The following WDR54 variants were observed in gnomAD, a reference collection of about 807,000 sequenced individuals.
WDR54 encodes the protein WD repeat domain 54.
A neutral mutation model predicts 44.1 loss-of-function variants in WDR54; 44 were observed. The ratio of observed to expected loss-of-function variants is 1.00; its 90% CI spans 0.78 to 1.28. The LOEUF (loss-of-function observed/expected upper bound fraction) is 1.28, where lower values mean the gene tolerates loss of function less well. Ranked by LOEUF, WDR54 falls within the 50% of genes most tolerant of loss-of-function variation. The pLI is 0.00. For synonymous variants in WDR54, 169 were observed against 169.8 expected, an observed-to-expected ratio of 1.00 and a Z score of 0.04; for missense variants, 409 against 429.7, an observed-to-expected ratio of 0.95 and a Z score of 0.43.
chr2:74,422,291 C>T lies in WDR54; in HGVS notation c.138C>T (p.Ser46=), dbSNP rs754462846. The T allele has an allele frequency of 1.2e-6, 2 of 1,614,218 alleles. No individual in the cohort carries two copies. Among genetic ancestry groups the T allele is most frequent in the South Asian group, 1.1e-5 (1 of 91,088 alleles). ...ATGGACCAAGCGCCCAGCTTCTCAG[C>T]GCTGCTCCTGAGGGTGTGCCCTTGG... The part of the protein sequence containing the change: ...VVHGPSAQLL[S]AAPEGVPLAQ... Residue 46 remains serine (S), a synonymous_variant, in exon 2 of 10, where the codon AGC becomes AGT. Coordinates refer to ENST00000348227, the MANE Select transcript of WDR54 (RefSeq NM_032118.4).
chr2:74,422,782 GA>G, intron 2 of WDR54, 87 bp from the exon 3 acceptor site: 1 of 1,249,456 alleles, frequency 8.0e-7, no homozygotes, highest in Non-Finnish European at 1.1e-6. Context: ...CACAGAGCAA[GA>G]CTCCGTCCCC....
chr2:74,422,933 G>T lies in WDR54; in HGVS notation c.285+1G>T, dbSNP rs544193647. On this transcript the variant is annotated splice_donor_variant, in intron 3 of 9. Coordinates refer to ENST00000348227, the MANE Select transcript of WDR54 (RefSeq NM_032118.4). LOFTEE classifies it high-confidence loss of function. Reference sequence around the variant, plus strand: ...ACTCACCTCACATCGAGGAATACAGGTAAGAAGAGGACTCTCCTGCTTGCC... The same window carrying T: ...ACTCACCTCACATCGAGGAATACAGTTAAGAAGAGGACTCTCCTGCTTGCC... 1 of 1,614,072 alleles carries T rather than the reference G, an allele frequency of 6.2e-7. No individual in the cohort carries two copies. The highest frequency in any genetic ancestry group is 1.1e-5 in the South Asian group (1 of 91,074).
intron 2 of WDR54, chr2:74,422,607 T>A: frequency 1.6e-6 from 1 of 613,932 alleles, no homozygotes; most frequent in Admixed American, 3.0e-5. Flanking sequence ...CTGGCCAACA[T>A]GGTGAAACCT....
intron 1 of WDR54, 23 bp downstream of exon 1, chr2:74,421,839 G>A: frequency 1.5e-6 from 1 of 650,206 alleles, no homozygotes; most frequent in Non-Finnish European, 2.8e-6. Context: ...ATCTAGGCCG[G>A]GGGCTTCAGG....
chr2:74,423,053 T>C (rs978409380), intron 3 of WDR54, 121 bp downstream of exon 3: 7 of 1,055,726 alleles, frequency 6.6e-6, no homozygotes, highest in Non-Finnish European at 7.2e-6. Flanking sequence ...GCCCACTCAC[T>C]CTTTTTCTAT....
Position 74,425,700 on chromosome 2 carries a change from G to A in WDR54, c.1004G>A (p.Ter335=). The A allele has an allele frequency of 6.2e-7, 1 of 1,614,146 alleles. No individual in the cohort carries two copies. The highest frequency in any genetic ancestry group is 8.5e-7 in the Non-Finnish European group (1 of 1,180,030). Residue 335 remains the stop codon, a stop_retained_variant, in exon 10 of 10, where the codon TGA becomes TAA. Transcript: ENST00000348227. ...LAEIRRFSSV[*] ...GAGATCCGGAGATTCAGCAGTGTGT[G>A]AGAAGAGCAGCCTTCCTTTGTCCCT...
At position 74,423,844 on chromosome 2, in the gene WDR54, T is replaced by G. The variant is rs1422662952; in HGVS notation, c.407-11T>G. 3 of 1,613,870 alleles carry G rather than the reference T, an allele frequency of 1.9e-6. No homozygotes were observed. Among genetic ancestry groups the G allele is most frequent in the Non-Finnish European group, 2.5e-6 (3 of 1,179,868 alleles). On this transcript the variant is annotated splice_polypyrimidine_tract_variant and intron_variant, in intron 5 of 9. Coordinates refer to ENST00000348227, the MANE Select transcript of WDR54 (RefSeq NM_032118.4). ...AGGAAGTCATCACTGGAGTACTGGT[T>G]CTGGATACAGGAACGTGGTCAGGCC...
At chr2:74,423,682 C>G in intron 5 of WDR54, 151 bp downstream of exon 5, 2 of 1,422,546 alleles carry the variant, frequency 1.4e-6, no homozygotes, top group Non-Finnish European at 1.9e-6. Context: ...TGGAAGGGTT[C>G]AGAGGGTCAG....
chr2:74,424,896 A>C lies in WDR54; in HGVS notation c.556A>C (p.Thr186Pro), dbSNP rs1277731877. 2 of 1,614,062 alleles carry C rather than the reference A, an allele frequency of 1.2e-6. No individual in the cohort carries two copies. Among genetic ancestry groups the C allele is most frequent in the Non-Finnish European group, 1.7e-6 (2 of 1,180,036 alleles). The change falls in exon 7 of 10, where the codon ACG becomes CCG. Residue 186 changes from threonine to proline, a missense_variant. Physicochemically the swap from Thr to Pro is conservative, Grantham distance 38. Coordinates refer to ENST00000348227, the MANE Select transcript of WDR54 (RefSeq NM_032118.4). ...QGQDCVADMV[T>P]ADDSGLLCVW... ...TCAGGATTGTGTGGCTGACATGGTG[A>C]CGGCAGATGACTCAGGCTTGCTGTG...
chr2:74,425,323 G>C (rs1670326491), intron 8 of WDR54, 86 bp downstream of exon 8: 10 of 1,579,940 alleles, frequency 6.3e-6, no homozygotes, highest in Non-Finnish European at 8.6e-6. Context: ...TTGCAACTCA[G>C]TGTAGCCCCC....
In WDR54 at chr2:74,422,450, GCAGGCATGTCCTAACCTCAGAATCTCCC is replaced by G. The variant is rs368692433; in HGVS notation, c.222+105_222+132del. On this transcript the variant is annotated intron_variant, in intron 2 of 9. Coordinates refer to ENST00000348227, the MANE Select transcript of WDR54 (RefSeq NM_032118.4). Reference sequence around the variant, plus strand: ...GCCTTTTCTCTCCAAACCTTCAGGAGCAGGCATGTCCTAACCTCAGAATCTCCCCAGGCATGTCCTAACCTCAGAATCT... The same window carrying G: ...GCCTTTTCTCTCCAAACCTTCAGGAGCAGGCATGTCCTAACCTCAGAATCT... 260 of 1,469,674 alleles carry G rather than the reference GCAGGCATGTCCTAACCTCAGAATCTCCC, an allele frequency of 1.8e-4. 2 individuals carry two copies. In the African/African-American group the frequency reaches 2.3e-3, roughly 13 times the overall value. 91.0% of individuals were successfully genotyped at this position (1,469,674 alleles called of 1,614,324 possible).
intron 8 of WDR54, 76 bp from the exon 9 acceptor site, chr2:74,425,341 G>C: frequency 1.3e-6 from 2 of 1,593,456 alleles, no homozygotes; most frequent in Non-Finnish European, 1.7e-6. Flanking sequence ...CCCTCCCCTG[G>C]GGCACCTGGA....
At chr2:74,424,399 T>C (rs935440869) in intron 6 of WDR54, among the ~76,000 whole-genome samples, 1 of 152,120 alleles carries the variant, frequency 6.6e-6, no homozygotes, top group Non-Finnish European at 1.5e-5. Flanking sequence ...AGACAACTCT[T>C]GTCTCCCCAA....
intron 2 of WDR54, 38 bp from the exon 3 acceptor site, chr2:74,422,832 C>A: frequency 1.3e-6 from 2 of 1,490,218 alleles, no homozygotes; most frequent in Non-Finnish European, 1.9e-6. Context: ...ATCTTCCCTG[C>A]TTTGATTTTC....
intron 1 of WDR54, 44 bp from the exon 2 acceptor site, chr2:74,422,109 T>C (rs1394951800): frequency 6.3e-7 from 1 of 1,589,946 alleles, no homozygotes; most frequent in Admixed American, 1.7e-5. Context: ...CTCCGCTGCG[T>C]CTGTTTGTAG....
In WDR54 at chr2:74,425,422, C is replaced by T; in HGVS notation, c.804C>T (p.Leu268=). 1 of 1,614,202 alleles carries T rather than the reference C, an allele frequency of 6.2e-7. No homozygotes were observed. Residue 268 remains leucine (L), a synonymous_variant, in exon 9 of 10, where the codon CTC becomes CTT. Transcript: ENST00000348227. ...CCCCTCTTCCTCCTCCACAGCTACT[C>T]TCTGCAGGTGAGGACACCTTTGTGC... ...LDLASEVGKL[L]SAGEDTFVHI... is the part of the protein sequence containing the mutation.
rs765448769 is a variant in WDR54, at chr2:74,425,485, C to T, written c.867C>T (p.Tyr289=). The T allele has an allele frequency of 6.2e-7, 1 of 1,613,510 alleles. No homozygotes were observed. The highest frequency in any genetic ancestry group is 8.5e-7 in the Non-Finnish European group (1 of 1,179,954). ...WKLSRNPESG[Y]IEVEHCHGEC... is the part of the protein sequence containing the mutation. ...TGAGCAGAAACCCAGAGAGTGGCTA[C>T]ATTGAGGTATGTGTCATGGGGTGGG... Residue 289 remains tyrosine, a synonymous_variant, in exon 9 of 10, where the codon TAC becomes TAT. Coordinates refer to ENST00000348227, the MANE Select transcript of WDR54 (RefSeq NM_032118.4).
chr2:74,425,154 G>A lies in WDR54; in HGVS notation c.715G>A (p.Ala239Thr). 2 of 1,554,430 alleles carry A rather than the reference G, an allele frequency of 1.3e-6. No individual in the cohort carries two copies. Among genetic ancestry groups the A allele is most frequent in the Non-Finnish European group, 8.7e-7 (1 of 1,146,338 alleles). The change falls in exon 8 of 10, where the codon GCC becomes ACC. Residue 239 changes from alanine to threonine, a missense_variant. Coordinates refer to ENST00000348227, the MANE Select transcript of WDR54 (RefSeq NM_032118.4). ...GAACGGACAAGTGCATCTATATGAG[G>A]CCACTACAGGAAATCTACATGTCCA... is the stretch of plus-strand genomic sequence containing the variant. ...YGNGQVHLYE[A>T]TTGNLHVQIN...
At chr2:74,425,359 T>C in intron 8 of WDR54, 58 bp from the exon 9 acceptor site, 1 of 1,604,802 alleles carries the variant, frequency 6.2e-7, no homozygotes, top group Non-Finnish European at 8.5e-7. Context: ...GGACTGGGGA[T>C]TCCAGCTTAT....
Sources: gnomAD v4.1 joint callset for allele counts (sites outside exome capture counted in the v4.1 genomes callset) on GRCh38, gnomAD v4.1.1 for gene constraint, MANE v1.5 for transcripts, NCBI Gene and HGNC (gene_info 2026-07-23, HGNC 2026-07-21) for gene names.